Variants in NEK6 observed in about 807,000 individuals in gnomAD.
NEK6 encodes NIMA related kinase 6.
NEK6 carries 27 observed loss-of-function variants against 43.5 expected under a neutral mutation model. The ratio of observed to expected loss-of-function variants is 0.62; its 90% CI spans 0.46 to 0.86. The LOEUF is 0.86. Ranked by LOEUF, NEK6 falls within the 40% of genes least tolerant of loss-of-function variation. The probability of loss-of-function intolerance (pLI) is 0.00; values close to 1 mark genes in which losing one functional copy is unlikely to be tolerated. For synonymous variants in NEK6, 167 were observed against 164.1 expected, an observed-to-expected ratio of 1.02 and a Z score of -0.14; for missense variants, 318 against 414.4, an observed-to-expected ratio of 0.77 and a Z score of 2.02.
At chr9:124,350,786 C>A in intron 9 of NEK6, 51 bp from the exon 10 acceptor site, 1 of 1,319,570 alleles carries the variant, frequency 7.6e-7, no homozygotes. Flanking sequence ...GAGTGCGGAG[C>A]CTCAGTAAGA....
At chr9:124,265,134 G>A (rs896959937) in intron 1 of NEK6, among the ~76,000 whole-genome samples, 5 of 152,198 alleles carry the variant, frequency 3.3e-5, no homozygotes, top group African/African-American at 4.8e-5. Flanking sequence ...TTTTGGAACC[G>A]GATGAAGGTG....
intron 1 of NEK6, among the ~76,000 whole-genome samples, chr9:124,300,696 C>T (rs149064754): frequency 3.0e-4 from 45 of 152,262 alleles, no homozygotes; most frequent in East Asian, 1.9e-3. Context: ...CTGACCGCGC[C>T]GGGGGCTCTA....
chr9:124,333,523 A>G (rs1287815810), intron 7 of NEK6, among the ~76,000 whole-genome samples: 1 of 152,196 alleles, frequency 6.6e-6, no homozygotes, highest in Non-Finnish European at 1.5e-5. Context: ...AGGCTTCACT[A>G]GTTCCTTCAC....
intron 9 of NEK6, 105 bp downstream of exon 9, chr9:124,347,927 T>C: frequency 1.5e-6 from 1 of 676,734 alleles, no homozygotes; most frequent in Non-Finnish European, 2.6e-6. Flanking sequence ...TAGGCTCACT[T>C]TACACGGTGC....
intron 1 of NEK6, among the ~76,000 whole-genome samples, chr9:124,288,138 G>T (rs979058642): frequency 6.6e-6 from 1 of 152,238 alleles, no homozygotes; most frequent in Non-Finnish European, 1.5e-5. Flanking sequence ...AGGCCCAAAG[G>T]CCTGGTGTCC....
chr9:124,339,570 G>C lies in NEK6; in HGVS notation c.623-1G>C, dbSNP rs773588061. 3 of 1,612,564 alleles carry C rather than the reference G, an allele frequency of 1.9e-6. No individual in the cohort carries two copies. The South Asian group carries it at 3.3e-5, about 18-fold the overall frequency. ...CAGCCCCGCCCCTTGCTGTGTTGCA[G>C]TGGGGACGCCCTACTACATGTCACC... On this transcript the variant is annotated splice_acceptor_variant, in intron 7 of 9. Coordinates refer to ENST00000320246, the MANE Select transcript of NEK6 (RefSeq NM_014397.6). LOFTEE classifies it high-confidence loss of function.
chr9:124,317,669 C>T (rs1038374539), intron 4 of NEK6, among the ~76,000 whole-genome samples: 3 of 152,168 alleles, frequency 2.0e-5, no homozygotes, highest in African/African-American at 7.2e-5. Flanking sequence ...TCAGCCCTTG[C>T]CCCACTCCCG....
chr9:124,306,040 A>C (rs1304305897), intron 2 of NEK6, among the ~76,000 whole-genome samples: 1 of 152,122 alleles, frequency 6.6e-6, no homozygotes, highest in Non-Finnish European at 1.5e-5. Context: ...GCTCGTGCTC[A>C]AGGCTCAGGG....
At chr9:124,257,773 G>C (rs1830863144), upstream of NEK6, 4 of 1,479,632 alleles carry the variant, frequency 2.7e-6, no homozygotes, top group African/African-American at 2.8e-5. Context: ...GGGGTTCCTC[G>C]GCCGAGCGGA....
intron 8 of NEK6, among the ~76,000 whole-genome samples, chr9:124,341,441 A>AC (rs1284420893): frequency 0.083 from 491 of 5,918 alleles, 5 homozygotes; most frequent in African/African-American, 0.15. Flanking sequence ...AGAGGGTGGG[A>AC]CCCCTTCTCC....
At chr9:124,284,628 T>C (rs1832071161) in intron 1 of NEK6, among the ~76,000 whole-genome samples, 1 of 152,110 alleles carries the variant, frequency 6.6e-6, no homozygotes, top group Non-Finnish European at 1.5e-5. Context: ...CTCTATGGAG[T>C]TGTTCTGACT....
chr9:124,296,192 C>T (rs1307115604), intron 1 of NEK6, among the ~76,000 whole-genome samples: 2 of 152,266 alleles, frequency 1.3e-5, no homozygotes, highest in East Asian at 3.8e-4. Flanking sequence ...CAACAGACAT[C>T]ACCCCTGGTG....
intron 1 of NEK6, among the ~76,000 whole-genome samples, chr9:124,278,590 C>T (rs1199026054): frequency 6.6e-6 from 1 of 152,146 alleles, no homozygotes; most frequent in Non-Finnish European, 1.5e-5. Flanking sequence ...CTCAGCCACA[C>T]CCCCCCACCC....
intron 2 of NEK6, 74 bp downstream of exon 2, chr9:124,302,128 C>A: frequency 1.8e-6 from 2 of 1,106,234 alleles, no homozygotes; most frequent in Non-Finnish European, 2.6e-6. Context: ...CTCCTTTGTC[C>A]AAACTCCTAC....
At chr9:124,307,135 A>AG (rs1833293321) in intron 2 of NEK6, among the ~76,000 whole-genome samples, 1 of 151,868 alleles carries the variant, frequency 6.6e-6, no homozygotes, top group Non-Finnish European at 1.5e-5. Context: ...CTGTTTAAAA[A>AG]AAAAAAGATT....
intron 1 of NEK6, among the ~76,000 whole-genome samples, chr9:124,264,141 G>A (rs1028717942): frequency 6.6e-6 from 1 of 152,136 alleles, no homozygotes; most frequent in Non-Finnish European, 1.5e-5. Context: ...TTATGCCCCC[G>A]CCCCCCAAAG....
At chr9:124,339,800 A>G in intron 8 of NEK6, 135 bp downstream of exon 8, 1 of 688,002 alleles carries the variant, frequency 1.5e-6, no homozygotes, top group Non-Finnish European at 2.6e-6. Context: ...CGGTACCACC[A>G]GGGCCCTGTC....
intron 2 of NEK6, among the ~76,000 whole-genome samples, chr9:124,307,923 A>C (rs1833339264): frequency 6.6e-6 from 1 of 152,152 alleles, no homozygotes; most frequent in Non-Finnish European, 1.5e-5. Flanking sequence ...GGGCTTGTCC[A>C]CTGCTCAGGC....
intron 1 of NEK6, among the ~76,000 whole-genome samples, chr9:124,263,288 C>A (rs2118861629): frequency 6.6e-6 from 1 of 152,300 alleles, no homozygotes; most frequent in African/African-American, 2.4e-5. Flanking sequence ...GGACTCTTGC[C>A]ACCCATCTGT....
Sources: allele counts gnomAD v4.1 joint callset (sites outside exome capture counted in the v4.1 genomes callset), GRCh38; gene constraint gnomAD v4.1.1; transcripts MANE v1.5; gene names NCBI Gene and HGNC (gene_info 2026-07-23, HGNC 2026-07-21).